PTAR1: variants seen among roughly 807,000 people sequenced by gnomAD.
PTAR1 encodes protein prenyltransferase alpha subunit repeat containing 1, also known as protein prenyltransferase alpha subunit repeat-containing protein 1.
Under a neutral mutation model 45.5 loss-of-function variants are expected in PTAR1, and 17 were observed. The observed-to-expected ratio is 0.37, with a 90% CI of 0.26 to 0.56. The LOEUF is 0.56. Among genes scored for constraint, PTAR1 ranks in the 20% least tolerant of loss-of-function variants. The pLI, the probability that PTAR1 is intolerant of heterozygous loss-of-function variation, is 0.77. For missense variants in PTAR1, 391 were observed against 476.3 expected, an observed-to-expected ratio of 0.82 and a Z score of 1.67; for synonymous variants, 169 against 171.3, an observed-to-expected ratio of 0.99 and a Z score of 0.11.
At chr9:69,746,103 G>A (rs1459705760) in intron 2 of PTAR1, among the ~76,000 whole-genome samples, 1 of 152,124 alleles carries the variant, frequency 6.6e-6, no homozygotes, top group Non-Finnish European at 1.5e-5. Context: ...CCTCATTCAG[G>A]ACTCAGGCTC....
chr9:69,729,864 A>G (rs950404995), intron 5 of PTAR1, among the ~76,000 whole-genome samples: 9 of 152,214 alleles, frequency 5.9e-5, no homozygotes, highest in African/African-American at 1.9e-4. Context: ...TAAAAGTGTG[A>G]TAAGTGCTGC....
At chr9:69,750,733 C>G (rs1216955320) in intron 2 of PTAR1, 48 bp downstream of exon 2, 27 of 1,393,266 alleles carry the variant, frequency 1.9e-5, no homozygotes, top group Non-Finnish European at 2.2e-5. Flanking sequence ...CTACTATATT[C>G]CATGTCGCTT....
In PTAR1 at chr9:69,715,270, A is replaced by G. The variant is rs1824682615; in HGVS notation, c.*3072T>C. 1 of 152,164 alleles carries G rather than the reference A, an allele frequency of 6.6e-6. No homozygotes were observed. The highest frequency in any genetic ancestry group is 1.5e-5 in the Non-Finnish European group (1 of 68,014). The allele number at this position is 152,164 out of a possible 1,614,324, so 9.4% of individuals were successfully genotyped here. ...TCTTCCCAAGTATTACGAAACTAGA[A>G]AGCATCATTCATTCCCAATCCATTG... On this transcript the variant is annotated 3_prime_UTR_variant, in exon 8 of 8. Coordinates refer to ENST00000340434, the MANE Select transcript of PTAR1 (RefSeq NM_001099666.2).
At chr9:69,734,356 T>C in intron 3 of PTAR1, 102 bp from the exon 4 acceptor site, 1 of 534,088 alleles carries the variant, frequency 1.9e-6, no homozygotes, top group Non-Finnish European at 3.1e-6. Flanking sequence ...GTGAAGCGAA[T>C]GTCTAAGAAT....
Position 69,716,374 on chromosome 9 carries a change from T to C in PTAR1, c.*1968A>G, listed in dbSNP as rs925721440. On this transcript the variant is annotated 3_prime_UTR_variant, in exon 8 of 8. Transcript: ENST00000340434. ...ACAAAGGGCCATGGAATTATGTTCA[T>C]AATGGTATTTTTTCATCTAAATAAT... is the stretch of plus-strand genomic sequence containing the variant. 3 of 152,138 alleles carry C rather than the reference T, an allele frequency of 2.0e-5. No individual in the cohort carries two copies. The highest frequency in any genetic ancestry group is 7.2e-5 in the African/African-American group (3 of 41,446). 9.4% of individuals were successfully genotyped at this position (152,138 alleles called of 1,614,324 possible).
chr9:69,750,587 A>T (rs1425424599), intron 2 of PTAR1, among the ~76,000 whole-genome samples, 194 bp downstream of exon 2: 1 of 151,282 alleles, frequency 6.6e-6, no homozygotes, highest in Non-Finnish European at 1.5e-5. Flanking sequence ...GCTTCTATAT[A>T]ATCACTGTGG....
At chr9:69,732,521 T>C (rs911069649) in intron 4 of PTAR1, among the ~76,000 whole-genome samples, 169 bp from the exon 5 acceptor site, 1 of 151,936 alleles carries the variant, frequency 6.6e-6, no homozygotes, top group African/African-American at 2.4e-5. Flanking sequence ...TTGTTGTTTA[T>C]GATGATACTA....
chr9:69,722,399 A>G (rs1391648760), intron 6 of PTAR1, among the ~76,000 whole-genome samples: 2 of 152,166 alleles, frequency 1.3e-5, no homozygotes, highest in African/African-American at 4.8e-5. Flanking sequence ...CATACTGTCA[A>G]ATGTACTCAC....
At chr9:69,748,663 A>G (rs1324438731) in intron 2 of PTAR1, among the ~76,000 whole-genome samples, 3 of 152,074 alleles carry the variant, frequency 2.0e-5, no homozygotes, top group Non-Finnish European at 4.4e-5. Context: ...CTTCTTATAA[A>G]TATATATTCT....
chr9:69,729,298 C>T (rs1021591706), intron 5 of PTAR1, among the ~76,000 whole-genome samples: 5 of 151,850 alleles, frequency 3.3e-5, no homozygotes, highest in Admixed American at 1.3e-4. Context: ...CCAGCCTGGG[C>T]GACAGAGCAA....
At position 69,732,259 on chromosome 9, in the gene PTAR1, C is replaced by A. The variant is rs1414231185; in HGVS notation, c.522G>T (p.Gln174His). Reference protein sequence around the residue: ...NLGTIPTERAQRLIQEEMEVC... With the variant: ...NLGTIPTERAHRLIQEEMEVC... The stretch of plus-strand genomic sequence containing the variant: ...CCTCCATCTCTTCTTGTATGAGTCG[C>A]TGTGCCCTTTCTGTGGGAATTGTTC... The change falls in exon 5 of 8, where the codon CAG becomes CAT. Residue 174 changes from glutamine (Q) to histidine (H), a missense_variant. Transcript: ENST00000340434. 5.6e-6 allele frequency: 9 copies of A among 1,613,726 alleles called. No homozygotes were observed. The highest frequency in any genetic ancestry group is 5.9e-6 in the Non-Finnish European group (7 of 1,179,774).
intron 1 of PTAR1, among the ~76,000 whole-genome samples, chr9:69,752,273 G>A (rs1826566645): frequency 6.6e-6 from 1 of 152,016 alleles, no homozygotes; most frequent in African/African-American, 2.4e-5. Context: ...TTACAAAGTA[G>A]GAGAAACACC....
At chr9:69,756,502 A>C (rs1826783120) in intron 1 of PTAR1, among the ~76,000 whole-genome samples, 1 of 152,012 alleles carries the variant, frequency 6.6e-6, no homozygotes, top group Non-Finnish European at 1.5e-5. Flanking sequence ...AAATGGAGGT[A>C]CTCTTTTGCA....
chr9:69,725,928 C>T (rs554597365), intron 5 of PTAR1, among the ~76,000 whole-genome samples: 3 of 152,190 alleles, frequency 2.0e-5, no homozygotes, highest in African/African-American at 7.2e-5. Flanking sequence ...TCTTTTCCTA[C>T]TTCCATATGA....
At chr9:69,721,405 CA>C (rs372571084) in intron 6 of PTAR1, among the ~76,000 whole-genome samples, 1,642 of 151,370 alleles carry the variant, frequency 0.011, 34 homozygotes, top group African/African-American at 0.036. Flanking sequence ...AACCAAAAAA[CA>C]AAAAAAAGTG....
Position 69,718,475 on chromosome 9 carries a change from G to A in PTAR1, c.1076C>T (p.Thr359Met), listed in dbSNP as rs376519073. 4.7e-4 allele frequency: 758 copies of A among 1,613,702 alleles called. No homozygotes were observed. The highest frequency in any genetic ancestry group is 5.9e-4 in the Non-Finnish European group (698 of 1,179,700). Residue 359 changes from threonine (T) to methionine (M), a missense_variant, in exon 8 of 8, where the codon ACG (threonine) becomes ATG (methionine). Around this residue, in one of 5 missense-constraint regions of PTAR1, gnomAD observed 181 missense variants for 227.7 expected, o/e 0.80. Coordinates refer to ENST00000340434, the MANE Select transcript of PTAR1 (RefSeq NM_001099666.2). ...TAGGCCTAGGGAGTCTGGAACTGGC[G>A]TCCGCTTCAGGCGTTTGGTTTCCTG... is the stretch of plus-strand genomic sequence containing the variant. Reference protein sequence around the residue: ...YSQETKRLKRTPVPDSLGLEM... With the variant: ...YSQETKRLKRMPVPDSLGLEM...
In PTAR1 at chr9:69,737,868, G is replaced by T. The variant is rs1032063656; in HGVS notation, c.324-3614C>A. On this transcript the variant is annotated intron_variant, in intron 3 of 7. Transcript: ENST00000340434. ...ATAGTTTCAGGTTCGTAAACAAGTT[G>T]TAAGGATAATACAAAGAATTCCCAT... Among the ~76,000 whole-genome samples the T allele has an allele frequency of 3.3e-5, 5 of 152,104 alleles. No individual in the cohort carries two copies. The South Asian group carries it at 6.2e-4, about 19-fold the overall frequency.
At chr9:69,731,387 G>A (rs1825529455) in intron 5 of PTAR1, among the ~76,000 whole-genome samples, 1 of 152,116 alleles carries the variant, frequency 6.6e-6, no homozygotes, top group Non-Finnish European at 1.5e-5. Context: ...GCACTGTGAC[G>A]CCATCAGAAA....
chr9:69,757,240 A>G (rs532382096), intron 1 of PTAR1: 41 of 152,344 alleles, frequency 2.7e-4, no homozygotes, highest in African/African-American at 7.5e-4. Flanking sequence ...TCCATACACT[A>G]AGTTAAAGAC....
Sources: allele counts gnomAD v4.1 joint callset (sites outside exome capture counted in the v4.1 genomes callset), GRCh38; gene constraint gnomAD v4.1.1; regional missense constraint gnomAD v4.1.1; transcripts MANE v1.5; gene names NCBI Gene and HGNC (gene_info 2026-07-23, HGNC 2026-07-21).